The following SH3PXD2A variants were observed in gnomAD, a reference collection of about 807,000 sequenced individuals.
SH3PXD2A encodes the protein SH3 and PX domain-containing protein 2A.
Under a neutral mutation model 115.2 loss-of-function variants are expected in SH3PXD2A, and 32 were observed. The observed-to-expected ratio is 0.28, with a 90% confidence interval of 0.21 to 0.37. SH3PXD2A has a LOEUF of 0.37. SH3PXD2A is among the 10% of genes least tolerant of loss of function. The pLI is 1.00. For missense variants in SH3PXD2A, 1,328 were observed against 1,498.7 expected (o/e 0.89, Z 1.88); for synonymous variants, 610 against 629.1 (o/e 0.97, Z 0.45).
chr10:103,826,168 G>A (rs941820142), intron 1 of SH3PXD2A, among the ~76,000 whole-genome samples: 4 of 151,976 alleles, frequency 2.6e-5, no homozygotes, highest in Admixed American at 1.3e-4. Context: ...ATCACAAATT[G>A]GCCTGCTTTG....
chr10:103,848,284 C>A (rs1842867055), intron 1 of SH3PXD2A, among the ~76,000 whole-genome samples: 2 of 152,204 alleles, frequency 1.3e-5, no homozygotes, highest in South Asian at 2.1e-4. Flanking sequence ...GGAAGCCAGA[C>A]CCCTAGGAGT....
intron 8 of SH3PXD2A, among the ~76,000 whole-genome samples, chr10:103,631,306 T>A (rs879666334): frequency 8.5e-5 from 13 of 152,142 alleles, no homozygotes; most frequent in Non-Finnish European, 1.6e-4. Flanking sequence ...AATAGAAATT[T>A]ACAAGTTAGG....
chr10:103,737,150 G>A (rs1396547727), intron 3 of SH3PXD2A, among the ~76,000 whole-genome samples: 4 of 152,228 alleles, frequency 2.6e-5, no homozygotes, highest in African/African-American at 9.6e-5. Flanking sequence ...GTGGAGAGAG[G>A]GAGAGACAGA....
At chr10:103,685,687 A>G (rs1047042696) in intron 6 of SH3PXD2A, among the ~76,000 whole-genome samples, 13 of 152,030 alleles carry the variant, frequency 8.6e-5, no homozygotes, top group African/African-American at 3.1e-4. Flanking sequence ...TCAATCCTCA[A>G]CCCCATGAAA....
rs73334743 is a variant in SH3PXD2A, at chr10:103,730,236, T to C, written c.306+5496A>G. Among the ~76,000 whole-genome samples, 905 of 101,994 alleles carry C rather than the reference T, an allele frequency of 8.9e-3. 13 individuals carry two copies. The highest frequency in any genetic ancestry group is 0.038 in the East Asian group (185 of 4,852). The allele number at this position is 101,994 out of a possible 152,430, so 66.9% of individuals were successfully genotyped here. A position where few individuals can be genotyped will look rare whatever the true frequency, so the allele number is the denominator to read the frequency against. ...CATCAGTTTCTTTTCTCGTTTCTTTTTTTTTTTTTTTTTTTGCTCCTTCCT... is the reference window on the plus strand; with the variant it reads ...CATCAGTTTCTTTTCTCGTTTCTTTCTTTTTTTTTTTTTTTGCTCCTTCCT... On this transcript the variant is annotated intron_variant, in intron 4 of 14. Transcript: ENST00000369774.
chr10:103,699,798 C>T (rs2037870070), intron 5 of SH3PXD2A, among the ~76,000 whole-genome samples: 1 of 152,254 alleles, frequency 6.6e-6, no homozygotes, highest in South Asian at 2.1e-4. Context: ...TAACAAGAAT[C>T]TGTCCTTTCT....
intron 1 of SH3PXD2A, among the ~76,000 whole-genome samples, chr10:103,810,928 ACACATGGACACAGGCGCGCGCGCG>A (rs1218817537): frequency 0.054 from 265 of 4,882 alleles, 1 homozygote; most frequent in Non-Finnish European, 0.11. Context: ...ACGGAGACAC[ACACATGGACACAGGCGCGCGCGCG>A]CACACACACA....
intron 2 of SH3PXD2A, among the ~76,000 whole-genome samples, chr10:103,785,654 CTG>C (rs2038973588): frequency 6.6e-6 from 1 of 152,120 alleles, no homozygotes; most frequent in South Asian, 2.1e-4. Flanking sequence ...AAAGGCGCGT[CTG>C]TACGTGAGCC....
At chr10:103,626,189 G>A (rs968815994) in intron 9 of SH3PXD2A, among the ~76,000 whole-genome samples, 5 of 152,278 alleles carry the variant, frequency 3.3e-5, no homozygotes, top group Admixed American at 6.5e-5. Flanking sequence ...GAGGAAGGGC[G>A]AAGCCCCAGC....
intron 2 of SH3PXD2A, among the ~76,000 whole-genome samples, chr10:103,769,181 TGCGCGC>T (rs139822501): frequency 3.5e-5 from 4 of 113,006 alleles, no homozygotes; most frequent in African/African-American, 9.0e-5. Flanking sequence ...TGTGTGTGTG[TGCGCGC>T]GCGCGCGCAT....
rs1564890955 is a variant in SH3PXD2A, at chr10:103,795,958, A to AAG, written c.153+5323_153+5324insCT. Among the ~76,000 whole-genome samples the AAG allele has an allele frequency of 9.5e-3, 1,279 of 135,280 alleles. 24 individuals are homozygous for AAG. Among genetic ancestry groups the AAG allele is most frequent in the African/African-American group, 0.034 (1,233 of 36,330 alleles). 88.7% of individuals were successfully genotyped at this position (135,280 alleles called of 152,430 possible). A position where few individuals can be genotyped will look rare whatever the true frequency, so the allele number is the denominator to read the frequency against. ...AGGAAGGAAGGAAGGAAGGAAGGAA[A>AAG]CCAGAGACATATTTTACCCTGATAA... On this transcript the variant is annotated intron_variant, in intron 2 of 14. Coordinates refer to ENST00000369774, the MANE Select transcript of SH3PXD2A (RefSeq NM_001394015.1).
chr10:103,764,462 G>A (rs2038733319), intron 3 of SH3PXD2A, among the ~76,000 whole-genome samples: 1 of 151,584 alleles, frequency 6.6e-6, no homozygotes, highest in Admixed American at 6.6e-5. Context: ...GGCACAGGGT[G>A]GGGGCGAGTC....
intron 4 of SH3PXD2A, among the ~76,000 whole-genome samples, chr10:103,728,899 T>TTTG (rs1476558569): frequency 1.4e-5 from 2 of 144,896 alleles, no homozygotes; most frequent in Admixed American, 6.7e-5. Context: ...GTTTGTTTGT[T>TTTG]TTTTTTTTTT....
chr10:103,609,182 AG>A (rs1449037959), intron 13 of SH3PXD2A: 1 of 152,170 alleles, frequency 6.6e-6, no homozygotes, highest in African/African-American at 2.4e-5. Flanking sequence ...AAAGAAAGAA[AG>A]AAAAAGCAGA....
At chr10:103,847,516 G>T (rs1218157072) in intron 1 of SH3PXD2A, among the ~76,000 whole-genome samples, 1 of 151,968 alleles carries the variant, frequency 6.6e-6, no homozygotes, top group East Asian at 1.9e-4. Flanking sequence ...GTAGAGATGG[G>T]GTCTTGCTAC....
chr10:103,676,741 G>C (rs1287924513), intron 6 of SH3PXD2A, among the ~76,000 whole-genome samples: 9 of 152,046 alleles, frequency 5.9e-5, no homozygotes, highest in Non-Finnish European at 1.3e-4. Context: ...CTTGGGTTGC[G>C]GCCTCCCCCT....
chr10:103,677,420 G>A (rs2037551172), intron 6 of SH3PXD2A, among the ~76,000 whole-genome samples: 2 of 152,144 alleles, frequency 1.3e-5, no homozygotes, highest in South Asian at 2.1e-4. Flanking sequence ...AGGTATAACT[G>A]GACCCATCTT....
intron 6 of SH3PXD2A, among the ~76,000 whole-genome samples, chr10:103,684,995 GA>G (rs2037658654): frequency 6.6e-6 from 1 of 151,472 alleles, no homozygotes; most frequent in Non-Finnish European, 1.5e-5. Context: ...ACTCCAGTCT[GA>G]ACGACAGAGC....
At chr10:103,671,416 A>G (rs2037457338) in intron 6 of SH3PXD2A, among the ~76,000 whole-genome samples, 1 of 152,226 alleles carries the variant, frequency 6.6e-6, no homozygotes, top group Admixed American at 6.5e-5. Context: ...AGTCCCCATA[A>G]GCAGGCCTTC....
Sources: gnomAD v4.1 joint callset for allele counts (sites outside exome capture counted in the v4.1 genomes callset) on GRCh38, gnomAD v4.1.1 for gene constraint, MANE v1.5 for transcripts, NCBI Gene and HGNC (gene_info 2026-07-23, HGNC 2026-07-21) for gene names.